The following ABCC4 variants were observed in gnomAD, a reference collection of about 807,000 sequenced individuals.
ABCC4 encodes ATP binding cassette subfamily C member 4 (PEL blood group).
Under a neutral mutation model 168.5 loss-of-function variants are expected in ABCC4, and 102 were observed. The ratio of observed to expected loss-of-function variants is 0.61; its 90% CI spans 0.52 to 0.71. The LOEUF (loss-of-function observed/expected upper bound fraction) is 0.71, where lower values mean the gene tolerates loss of function less well. Among genes scored for constraint, ABCC4 ranks in the 30% least tolerant of loss-of-function variants. The probability of loss-of-function intolerance (pLI) is 0.00; values close to 1 mark genes in which losing one functional copy is unlikely to be tolerated. For missense variants in ABCC4, 1,402 were observed against 1,605.8 expected, an observed-to-expected ratio of 0.87 and a Z score of 2.17; for synonymous variants, 617 against 590.7, an observed-to-expected ratio of 1.04 and a Z score of -0.65.
At chr13:95,240,037 A>G (rs2039886127) in intron 3 of ABCC4, among the ~76,000 whole-genome samples, 1 of 152,078 alleles carries the variant, frequency 6.6e-6, no homozygotes, top group Admixed American at 6.6e-5. Flanking sequence ...CCTACAAAGT[A>G]CTCTTGCCAA....
intron 30 of ABCC4, among the ~76,000 whole-genome samples, chr13:95,032,585 C>G (rs2031925755): frequency 6.6e-6 from 1 of 152,196 alleles, no homozygotes; most frequent in African/African-American, 2.4e-5. Context: ...GAAATAGGAG[C>G]TGAAGGCAAC....
chr13:95,231,586 G>A (rs185740729), intron 4 of ABCC4, among the ~76,000 whole-genome samples: 5 of 152,304 alleles, frequency 3.3e-5, no homozygotes, highest in East Asian at 3.9e-4. Flanking sequence ...AGCAGCCCAC[G>A]TGTGAGGAGG....
At chr13:95,194,783 C>A in intron 9 of ABCC4, 53 bp downstream of exon 9, 1 of 1,430,456 alleles carries the variant, frequency 7.0e-7, no homozygotes, top group Non-Finnish European at 9.8e-7. Context: ...TCTATTAAAT[C>A]AATGTCACTC....
chr13:95,167,114 T>C (rs982037945), intron 14 of ABCC4, among the ~76,000 whole-genome samples: 1 of 151,516 alleles, frequency 6.6e-6, no homozygotes, highest in Admixed American at 6.6e-5. Flanking sequence ...AAGGCGGAGG[T>C]TGCAGTGAGC....
chr13:95,165,498 G>C (rs1317425361), intron 15 of ABCC4, among the ~76,000 whole-genome samples: 2 of 152,196 alleles, frequency 1.3e-5, no homozygotes, highest in Non-Finnish European at 2.9e-5. Context: ...GGAGGACTTA[G>C]AAGGCATGAG....
At chr13:95,146,213 A>C (rs1001642159) in intron 19 of ABCC4, among the ~76,000 whole-genome samples, 1 of 151,686 alleles carries the variant, frequency 6.6e-6, no homozygotes, top group South Asian at 2.1e-4. Context: ...TCTCTCAAAA[A>C]AAAAAAAAAA....
intron 19 of ABCC4, among the ~76,000 whole-genome samples, chr13:95,127,498 G>C (rs1172889491): frequency 6.6e-6 from 1 of 151,992 alleles, no homozygotes; most frequent in African/African-American, 2.4e-5. Flanking sequence ...GGCTGGTCTC[G>C]AACTCCTGGC....
intron 27 of ABCC4, among the ~76,000 whole-genome samples, chr13:95,046,194 A>G (rs1373668976): frequency 6.6e-6 from 1 of 152,180 alleles, no homozygotes; most frequent in Non-Finnish European, 1.5e-5. Context: ...CAAAGTTTTT[A>G]TTAGCTTTTC....
At chr13:95,031,551 G>T (rs1040440743) in intron 30 of ABCC4, among the ~76,000 whole-genome samples, 3 of 152,106 alleles carry the variant, frequency 2.0e-5, no homozygotes, top group African/African-American at 7.2e-5. Flanking sequence ...ATACATGTAA[G>T]AACTATGTAA....
intron 19 of ABCC4, among the ~76,000 whole-genome samples, chr13:95,158,131 A>G (rs2139531353): frequency 6.6e-6 from 1 of 151,816 alleles, no homozygotes; most frequent in East Asian, 1.9e-4. Flanking sequence ...CAGACCTTCC[A>G]GGTTTACCTT....
At chr13:95,155,171 C>G (rs1274911284) in intron 19 of ABCC4, among the ~76,000 whole-genome samples, 1 of 152,172 alleles carries the variant, frequency 6.6e-6, no homozygotes, top group East Asian at 1.9e-4. Flanking sequence ...GTAGGATGCA[C>G]ATCCTAACTT....
chr13:95,281,035 A>G (rs2041108642), intron 1 of ABCC4, among the ~76,000 whole-genome samples: 1 of 152,074 alleles, frequency 6.6e-6, no homozygotes, highest in Non-Finnish European at 1.5e-5. Context: ...GGATGCTAAG[A>G]ACTTGCACAG....
intron 29 of ABCC4, among the ~76,000 whole-genome samples, chr13:95,041,284 C>T (rs918531767): frequency 4.6e-5 from 7 of 152,162 alleles, no homozygotes; most frequent in African/African-American, 7.2e-5. Flanking sequence ...ACATTGATGG[C>T]GCTTAATGAA....
intron 3 of ABCC4, among the ~76,000 whole-genome samples, chr13:95,236,187 A>T (rs1424442627): frequency 2.0e-5 from 3 of 152,206 alleles, no homozygotes; most frequent in South Asian, 2.1e-4. Flanking sequence ...GTTGTAAGGG[A>T]CCCTTTTCCC....
chr13:95,199,638 A>G (rs2038565987), intron 8 of ABCC4, among the ~76,000 whole-genome samples: 2 of 152,036 alleles, frequency 1.3e-5, no homozygotes, highest in Admixed American at 6.6e-5. Context: ...ATGGCTTTCA[A>G]ATCTATCCAA....
At chr13:95,182,666 G>A (rs1262897449) in intron 11 of ABCC4, among the ~76,000 whole-genome samples, 3 of 152,122 alleles carry the variant, frequency 2.0e-5, no homozygotes, top group African/African-American at 7.2e-5. Context: ...TAGCCTATGA[G>A]GTGAATAGTT....
intron 19 of ABCC4, among the ~76,000 whole-genome samples, chr13:95,116,695 A>G (rs913767843): frequency 2.0e-5 from 3 of 152,226 alleles, no homozygotes; most frequent in African/African-American, 7.2e-5. Context: ...TTTCCCGTCA[A>G]GTAGAATCCA....
rs755134953 is a variant in ABCC4 at position 95,178,044 on chromosome 13, C to T, written c.1593G>A (p.Arg531=). ...TCTGCCCTCCACTCAGCGTGGTTCC[C>T]CGATCTCCTATCACAGTCAGATCAC... is the stretch of plus-strand genomic sequence containing the variant. ...EDGDLTVIGD[R]GTTLSGGQKA... is the part of the protein sequence containing the mutation. Residue 531 remains arginine (R), a synonymous_variant, in exon 12 of 31, where the codon CGG becomes CGA. Transcript: ENST00000645237. The T allele has an allele frequency of 1.2e-6, 2 of 1,614,190 alleles. No individual in the cohort carries two copies. The highest frequency in any genetic ancestry group is 2.2e-5 in the South Asian group (2 of 91,082).
intron 3 of ABCC4, among the ~76,000 whole-genome samples, chr13:95,237,889 T>G (rs901070333): frequency 1.3e-5 from 2 of 151,940 alleles, no homozygotes; most frequent in Non-Finnish European, 2.9e-5. Flanking sequence ...GAGTAAGCAG[T>G]TTGTTTTAGA....
Sources: allele counts gnomAD v4.1 joint callset (sites outside exome capture counted in the v4.1 genomes callset), GRCh38; gene constraint gnomAD v4.1.1; transcripts MANE v1.5; gene names NCBI Gene and HGNC (gene_info 2026-07-23, HGNC 2026-07-21).